Variants in ZNF423 observed in about 807,000 individuals in gnomAD.
ZNF423 encodes Ebf-associated zinc finger protein.
ZNF423 carries 12 observed loss-of-function variants against 95.8 expected under a neutral mutation model. That is an observed-to-expected ratio of 0.13 (90% CI 0.08 to 0.20). ZNF423 has a LOEUF of 0.20. ZNF423 is among the 10% of genes least tolerant of loss of function. The pLI is 1.00. For missense variants in ZNF423, 1,316 were observed against 1,737.1 expected (o/e 0.76, Z 4.31); for synonymous variants, 749 against 711.9 (o/e 1.05, Z -0.83).
At chr16:49,834,018 C>T (rs1350681444) in intron 1 of ZNF423, among the ~76,000 whole-genome samples, 2 of 152,238 alleles carry the variant, frequency 1.3e-5, no homozygotes, top group Non-Finnish European at 2.9e-5. Flanking sequence ...GGGCAGGCGG[C>T]AGGCTTGGGG....
rs1376336289 is a variant in ZNF423 at position 49,683,676 on chromosome 16, G to A, written c.302-44802C>T. On this transcript the variant is annotated intron_variant, in intron 3 of 7. Coordinates refer to ENST00000563137, the MANE Select transcript of ZNF423 (RefSeq NM_001379286.1). The stretch of plus-strand genomic sequence containing the variant: ...CCCCTGGGTGATTCCAATATGCCTG[G>A]TCCGATGCTCAACACTTGACCCACA... Among the ~76,000 whole-genome samples, 6 of 152,318 alleles carry A rather than the reference G, an allele frequency of 3.9e-5. No individual in the cohort carries two copies. The East Asian group carries it at 1.2e-3, about 29-fold the overall frequency.
intron 2 of ZNF423, among the ~76,000 whole-genome samples, chr16:49,771,117 C>T (rs1371560113): frequency 6.6e-6 from 1 of 151,540 alleles, no homozygotes; most frequent in Non-Finnish European, 1.5e-5. Context: ...ATAACACCAC[C>T]GATGGAGACT....
chr16:49,748,541 A>T (rs2033569855), intron 2 of ZNF423, among the ~76,000 whole-genome samples: 2 of 152,050 alleles, frequency 1.3e-5, no homozygotes, highest in Non-Finnish European at 2.9e-5. Context: ...GGAAAAAATT[A>T]CTCCAACTCT....
At chr16:49,816,249 A>G (rs1228904044) in intron 1 of ZNF423, among the ~76,000 whole-genome samples, 2 of 152,086 alleles carry the variant, frequency 1.3e-5, no homozygotes, top group Admixed American at 1.3e-4. Flanking sequence ...AGCAGCCAAG[A>G]AAACAAAATG....
At chr16:49,788,885 T>A (rs1246615434) in intron 2 of ZNF423, among the ~76,000 whole-genome samples, 1 of 152,206 alleles carries the variant, frequency 6.6e-6, no homozygotes, top group Admixed American at 6.5e-5. Context: ...ATGGGAAGGC[T>A]CCAAGCTACA....
chr16:49,821,058 A>C (rs978722856), intron 1 of ZNF423, among the ~76,000 whole-genome samples: 1 of 152,150 alleles, frequency 6.6e-6, no homozygotes, highest in African/African-American at 2.4e-5. Flanking sequence ...TTTGCATTGG[A>C]GGTAACCTAT....
intron 2 of ZNF423, among the ~76,000 whole-genome samples, chr16:49,753,643 T>C (rs188642531): frequency 2.0e-5 from 3 of 149,840 alleles, no homozygotes; most frequent in Non-Finnish European, 4.4e-5. Context: ...GGACAGGAAC[T>C]GTTGAAAAGC....
At chr16:49,731,546 C>A (rs2033167981) in intron 2 of ZNF423, 1 of 200,516 alleles carries the variant, frequency 5.0e-6, no homozygotes, top group Admixed American at 6.5e-5. Flanking sequence ...GGCATGGAAT[C>A]TCACACCTAT....
intron 5 of ZNF423, among the ~76,000 whole-genome samples, chr16:49,570,259 G>C (rs866126330): frequency 6.6e-6 from 1 of 152,148 alleles, no homozygotes; most frequent in South Asian, 2.1e-4. Context: ...TTTGTGCATG[G>C]AACTGTAACA....
chr16:49,845,796 G>A (rs775758990), intron 1 of ZNF423, among the ~76,000 whole-genome samples: 16 of 151,864 alleles, frequency 1.1e-4, no homozygotes, highest in African/African-American at 3.4e-4. Context: ...CACCTGCCTC[G>A]GTTTCTCAAA....
rs1047604964 is a variant in ZNF423, at chr16:49,855,277, G to C, written c.40+458C>G. On this transcript the variant is annotated intron_variant, in intron 1 of 7. Transcript: ENST00000563137. The surrounding 1 kb of genome is among the most constrained non-coding windows in gnomAD (Gnocchi z 4.7). Reference sequence around the variant, plus strand: ...CGAGGCCCGGGGCCAGCGAGGAGCGGTCGGCCTGCCGGGCGCCCGTCCTCG... The same window carrying C: ...CGAGGCCCGGGGCCAGCGAGGAGCGCTCGGCCTGCCGGGCGCCCGTCCTCG... 2.0e-5 allele frequency among the ~76,000 whole-genome samples: 3 copies of C among 151,244 alleles called. No homozygotes were observed. The highest frequency in any genetic ancestry group is 4.4e-5 in the Non-Finnish European group (3 of 67,678).
At chr16:49,555,988 C>T (rs1184387532) in intron 5 of ZNF423, among the ~76,000 whole-genome samples, 1 of 152,120 alleles carries the variant, frequency 6.6e-6, no homozygotes. Flanking sequence ...GAAGATGATC[C>T]ACAAGGCTGC....
At chr16:49,505,527 C>G (rs1967596897) in intron 7 of ZNF423, among the ~76,000 whole-genome samples, 1 of 152,102 alleles carries the variant, frequency 6.6e-6, no homozygotes, top group South Asian at 2.1e-4. Context: ...CCTCATGGCC[C>G]AGCCCCCTTG....
intron 5 of ZNF423, among the ~76,000 whole-genome samples, chr16:49,624,702 C>A (rs1972200787): frequency 6.6e-6 from 1 of 152,210 alleles, no homozygotes. Context: ...GAGGCATGAT[C>A]TCTAACTAGA....
chr16:49,756,599 TC>T lies in ZNF423; in HGVS notation c.101-25629del, dbSNP rs557750709. ...CCCACCAAATGCGTGTCTCGAAAGG[TC>T]CCTGCCCATCCCTTAAGCTTGGACC... On this transcript the variant is annotated intron_variant, in intron 2 of 7. Transcript: ENST00000563137. Among the ~76,000 whole-genome samples the T allele has an allele frequency of 4.8e-4, 73 of 151,856 alleles. 1 individual carries two copies. The highest frequency in any genetic ancestry group is 7.7e-4 in the Non-Finnish European group (52 of 67,918).
chr16:49,781,368 A>G (rs2034209125), intron 2 of ZNF423, among the ~76,000 whole-genome samples: 1 of 152,222 alleles, frequency 6.6e-6, no homozygotes. Flanking sequence ...ACAGACACTA[A>G]GGTGAGAGGT....
chr16:49,811,037 AG>A (rs2034743360), intron 1 of ZNF423, among the ~76,000 whole-genome samples: 1 of 152,166 alleles, frequency 6.6e-6, no homozygotes, highest in Admixed American at 6.5e-5. Context: ...GGGCAGGCTC[AG>A]GGGGCCCTCA....
At chr16:49,832,344 G>T (rs1398146003) in intron 1 of ZNF423, among the ~76,000 whole-genome samples, 1 of 152,178 alleles carries the variant, frequency 6.6e-6, no homozygotes, top group African/African-American at 2.4e-5. Context: ...GGGGTAGCAG[G>T]CCCCAGAGAG....
At chr16:49,693,959 C>T (rs1438437114) in intron 3 of ZNF423, among the ~76,000 whole-genome samples, 1 of 152,206 alleles carries the variant, frequency 6.6e-6, no homozygotes, top group Non-Finnish European at 1.5e-5. Context: ...ACATCCTTCT[C>T]TTATAAATGA....
Sources: allele counts gnomAD v4.1 joint callset (sites outside exome capture counted in the v4.1 genomes callset), GRCh38; gene constraint gnomAD v4.1.1; non-coding constraint Gnocchi (gnomAD v3.1); transcripts MANE v1.5; gene names NCBI Gene and HGNC (gene_info 2026-07-23, HGNC 2026-07-21).